The following PFDN2 variants were observed in gnomAD, a reference collection of about 807,000 sequenced individuals.
PFDN2 encodes prefoldin 2.
Under a neutral mutation model 18.3 loss-of-function variants are expected in PFDN2, and 7 were observed. The ratio of observed to expected loss-of-function variants is 0.38; its 90% CI spans 0.22 to 0.72. PFDN2 has a LOEUF of 0.72. PFDN2 is among the 30% of genes least tolerant of loss of function. PFDN2 has a pLI of 0.47. For synonymous variants in PFDN2, 76 were observed against 75.0 expected, an observed-to-expected ratio of 1.01 and a Z score of -0.07; for missense variants, 181 against 199.1, an observed-to-expected ratio of 0.91 and a Z score of 0.55.
Position 161,113,499 on chromosome 1 carries a change from T to C in PFDN2, c.75+4453A>G, listed in dbSNP as rs190371823. 2.6e-3 allele frequency among the ~76,000 whole-genome samples: 396 copies of C among 152,338 alleles called. 2 individuals carry two copies. Among genetic ancestry groups the C allele is most frequent in the African/African-American group, 8.6e-3 (357 of 41,578 alleles). ...GTAATTGAATAACAGAAGGTAGGCCTGAGCGGTGGCTCAGCTCATGCCTGT... is the reference window on the plus strand; with the variant it reads ...GTAATTGAATAACAGAAGGTAGGCCCGAGCGGTGGCTCAGCTCATGCCTGT... On this transcript the variant is annotated intron_variant, in intron 1 of 3. Coordinates refer to ENST00000368010, the MANE Select transcript of PFDN2 (RefSeq NM_012394.4).
chr1:161,111,251 G>A (rs974002673), intron 1 of PFDN2, among the ~76,000 whole-genome samples: 3 of 152,182 alleles, frequency 2.0e-5, no homozygotes, highest in Non-Finnish European at 4.4e-5. Flanking sequence ...ACATAGTAAA[G>A]TGGAAAGAAC....
chr1:161,101,780 G>A (rs1342617485), intron 3 of PFDN2, among the ~76,000 whole-genome samples: 1 of 152,100 alleles, frequency 6.6e-6, no homozygotes, highest in Non-Finnish European at 1.5e-5. Context: ...CTGAGACAGG[G>A]TCTCACTCTG....
chr1:161,102,157 G>T lies in PFDN2; in HGVS notation c.179C>A (p.Thr60Lys). Residue 60 changes from threonine (T) to lysine (K), a missense_variant, in exon 3 of 4, where the codon ACA (threonine) becomes AAA (lysine). Transcript: ENST00000368010. ...ELNEHSLVIDTLKEVDETRKC... is the reference protein window; with the variant it reads ...ELNEHSLVIDKLKEVDETRKC... ...ACGAGTTTCATCTACCTCCTTCAGT[G>T]TATCGATCACTAGGCTGGGATAGGA... is the stretch of plus-strand genomic sequence containing the variant. 6.2e-7 allele frequency: 1 copy of T among 1,614,172 alleles called. No individual in the cohort carries two copies. The highest frequency in any genetic ancestry group is 2.2e-5 in the East Asian group (1 of 44,890).
intron 1 of PFDN2, among the ~76,000 whole-genome samples, chr1:161,109,667 A>G (rs2101704414): frequency 6.6e-6 from 1 of 152,322 alleles, no homozygotes; most frequent in South Asian, 2.1e-4. Context: ...TAAGGAGACC[A>G]AGGCTGGTGG....
intron 1 of PFDN2, among the ~76,000 whole-genome samples, chr1:161,109,014 CA>C (rs1380471645): frequency 6.6e-6 from 1 of 152,090 alleles, no homozygotes; most frequent in Non-Finnish European, 1.5e-5. Context: ...TAAATCTAAC[CA>C]ATTATTCCTT....
Position 161,117,994 on chromosome 1 carries a change from G to T in PFDN2, c.33C>A (p.Ser11Arg). The T allele has an allele frequency of 6.2e-7, 1 of 1,612,578 alleles. No individual in the cohort carries two copies. The change falls in exon 1 of 4, where the codon AGC (serine) becomes AGA (arginine). Residue 11 changes from serine to arginine, a missense_variant. Transcript: ENST00000368010. MAENSGRAGK[S>R]SGSGAGKGAV... ...CCCCCTTCCCCGCGCCGCTCCCGCT[G>T]CTCTTGCCGGCGCGACCGCTGTTCT... is the stretch of plus-strand genomic sequence containing the variant.
At chr1:161,115,867 G>C (rs543990455) in intron 1 of PFDN2, among the ~76,000 whole-genome samples, 1 of 152,086 alleles carries the variant, frequency 6.6e-6, no homozygotes, top group Non-Finnish European at 1.5e-5. Flanking sequence ...TCAGATAAGG[G>C]GGAGCTACAG....
At chr1:161,107,486 C>A (rs916126789) in intron 1 of PFDN2, among the ~76,000 whole-genome samples, 1 of 150,410 alleles carries the variant, frequency 6.6e-6, no homozygotes, top group African/African-American at 2.4e-5. Context: ...TAGGTTGTTT[C>A]CAATTTTTCT....
chr1:161,116,624 A>C (rs1449671086), intron 1 of PFDN2, among the ~76,000 whole-genome samples: 1 of 152,220 alleles, frequency 6.6e-6, no homozygotes, highest in African/African-American at 2.4e-5. Flanking sequence ...CTTCTGCCTC[A>C]TATGAGCATT....
intron 1 of PFDN2, among the ~76,000 whole-genome samples, chr1:161,117,124 T>C (rs1360868257): frequency 6.6e-6 from 1 of 152,056 alleles, no homozygotes; most frequent in Admixed American, 6.5e-5. Flanking sequence ...TCCCAGCTAC[T>C]CGGGAGGCTG....
intron 1 of PFDN2, among the ~76,000 whole-genome samples, chr1:161,104,629 A>G (rs4656983): frequency 0.056 from 8,539 of 151,782 alleles, 278 homozygotes; most frequent in South Asian, 0.086. Flanking sequence ...GGATCTTACT[A>G]TGTTGCTCAG....
chr1:161,107,323 G>A (rs1185847494), intron 1 of PFDN2, among the ~76,000 whole-genome samples: 2 of 151,526 alleles, frequency 1.3e-5, no homozygotes, highest in Non-Finnish European at 2.9e-5. Flanking sequence ...TACTTGGGAG[G>A]CTGAGGCAGG....
chr1:161,112,971 A>T (rs538263726), intron 1 of PFDN2, among the ~76,000 whole-genome samples: 45 of 151,740 alleles, frequency 3.0e-4, no homozygotes, highest in South Asian at 6.2e-4. Context: ...GGGGGAAAAA[A>T]TCTCTCAAAG....
chr1:161,117,450 C>A (rs1017105436), intron 1 of PFDN2, among the ~76,000 whole-genome samples: 11 of 152,152 alleles, frequency 7.2e-5, no homozygotes, highest in Non-Finnish European at 1.3e-4. Flanking sequence ...GAAATTCGAT[C>A]TAGTAATGAA....
chr1:161,117,550 G>A (rs1051522271), intron 1 of PFDN2, among the ~76,000 whole-genome samples: 7 of 152,140 alleles, frequency 4.6e-5, no homozygotes, highest in African/African-American at 1.4e-4. Flanking sequence ...GTCAACGTGG[G>A]TTCAGGATCA....
At chr1:161,113,187 C>T (rs1654842604) in intron 1 of PFDN2, among the ~76,000 whole-genome samples, 1 of 152,154 alleles carries the variant, frequency 6.6e-6, no homozygotes, top group Admixed American at 6.6e-5. Flanking sequence ...AATTCTTTGG[C>T]ATGCACTCAA....
intron 1 of PFDN2, among the ~76,000 whole-genome samples, chr1:161,115,640 A>G (rs1019667922): frequency 6.6e-6 from 1 of 152,228 alleles, no homozygotes; most frequent in Non-Finnish European, 1.5e-5. Flanking sequence ...GCAGTTTATC[A>G]TCTCACATCA....
chr1:161,113,105 A>G (rs1654841213), intron 1 of PFDN2, among the ~76,000 whole-genome samples: 1 of 152,172 alleles, frequency 6.6e-6, no homozygotes, highest in African/African-American at 2.4e-5. Flanking sequence ...TATTTTATAT[A>G]AGAGTTAAAC....
chr1:161,112,829 A>G (rs1654836419), intron 1 of PFDN2, among the ~76,000 whole-genome samples: 1 of 152,090 alleles, frequency 6.6e-6, no homozygotes, highest in Non-Finnish European at 1.5e-5. Flanking sequence ...TGTTCAACAT[A>G]TACTATTAGG....
Sources: allele counts gnomAD v4.1 joint callset (sites outside exome capture counted in the v4.1 genomes callset), GRCh38; gene constraint gnomAD v4.1.1; transcripts MANE v1.5; gene names NCBI Gene and HGNC (gene_info 2026-07-23, HGNC 2026-07-21).